TSLP: variants seen among roughly 807,000 people sequenced by gnomAD.
TSLP encodes the protein thymic stroma-derived lymphopoietin.
A neutral mutation model predicts 12.4 loss-of-function variants in TSLP; 12 were observed. The observed-to-expected ratio is 0.97, with a 90% CI of 0.62 to 1.57. The LOEUF (loss-of-function observed/expected upper bound fraction) is 1.57, where lower values mean the gene tolerates loss of function less well. Ranked by LOEUF, TSLP falls within the 40% of genes most tolerant of loss-of-function variation. The pLI, the probability that TSLP is intolerant of heterozygous loss-of-function variation, is 0.00. For synonymous variants in TSLP, 97 were observed against 69.5 expected (o/e 1.40, Z -1.97); for missense variants, 222 against 189.6 (o/e 1.17, Z -1.00).
At chr5:111,075,174 C>A (rs537990452) in intron 3 of TSLP, among the ~76,000 whole-genome samples, 28 of 152,194 alleles carry the variant, frequency 1.8e-4, no homozygotes, top group Middle Eastern at 6.8e-3. Context: ...TCAGTCCCTC[C>A]CAAGCCCAAA....
chr5:111,071,424 A>C (rs1752334837), upstream of TSLP: 2 of 1,511,292 alleles, frequency 1.3e-6, no homozygotes, highest in Non-Finnish European at 1.8e-6. Flanking sequence ...AGGATTGGTC[A>C]CGGAAATGCC....
At position 111,076,641 on chromosome 5, in the gene TSLP, T is replaced by C. The variant is rs1255932180; in HGVS notation, c.*567T>C. On this transcript the variant is annotated 3_prime_UTR_variant, in exon 4 of 4. Transcript: ENST00000344895. The stretch of plus-strand genomic sequence containing the variant: ...AACAGACAAGAGTGGTATATACAAG[T>C]AGATCCTGAGAAGTACCTTTGTTAC... 1 of 152,450 alleles carries C rather than the reference T, an allele frequency of 6.6e-6. No homozygotes were observed. Among genetic ancestry groups the C allele is most frequent in the Non-Finnish European group, 1.5e-5 (1 of 68,218 alleles). 9.4% of individuals were successfully genotyped at this position (152,450 alleles called of 1,614,324 possible). A position where few individuals can be genotyped will look rare whatever the true frequency, so the allele number is the denominator to read the frequency against.
upstream of TSLP, chr5:111,070,694 T>G (rs1160775451): frequency 6.6e-6 from 1 of 152,330 alleles, no homozygotes; most frequent in African/African-American, 2.4e-5. Context: ...AGTTTGCTAG[T>G]AAAAATCTGA....
chr5:111,071,345 G>C (rs1580374847), upstream of TSLP: 2 of 1,126,714 alleles, frequency 1.8e-6, no homozygotes, highest in East Asian at 2.7e-5. Context: ...AGAATGCATG[G>C]GACATATGCA....
In TSLP at chr5:111,076,161, G is replaced by T; in HGVS notation, c.*87G>T. The T allele has an allele frequency of 7.0e-7, 1 of 1,432,644 alleles. No individual in the cohort carries two copies. Among genetic ancestry groups the T allele is most frequent in the Non-Finnish European group, 9.6e-7 (1 of 1,036,372 alleles). The allele number at this position is 1,432,644 out of a possible 1,614,324, so 88.7% of individuals were successfully genotyped here. On this transcript the variant is annotated 3_prime_UTR_variant, in exon 4 of 4. Transcript: ENST00000344895. ...AAACATTAACTCTAACTGTGACAAA[G>T]AAGACCACAAATAGTTATCTTTTAA...
chr5:111,073,259 G>C lies in TSLP; in HGVS notation c.217-252G>C, dbSNP rs947986436. 31 of 1,407,748 alleles carry C rather than the reference G, an allele frequency of 2.2e-5. No individual in the cohort carries two copies. The East Asian group carries it at 7.7e-4, about 35-fold the overall frequency. The allele number at this position is 1,407,748 out of a possible 1,614,324, so 87.2% of individuals were successfully genotyped here. ...ATTTTGGCAGCCTCCGCCCCCTGGA[G>C]ACTTGGGAGGAGCGAGCGTGGGTGA... On this transcript the variant is annotated intron_variant, in intron 2 of 3. Transcript: ENST00000344895.
intron 2 of TSLP, 64 bp downstream of exon 2, chr5:111,072,996 G>GTA: frequency 6.3e-7 from 1 of 1,583,720 alleles, no homozygotes; most frequent in South Asian, 1.1e-5. Context: ...TGGAGAGGGA[G>GTA]TATCCTGCTA....
At chr5:111,073,796 G>A in intron 3 of TSLP, 151 bp downstream of exon 3, 2 of 835,190 alleles carry the variant, frequency 2.4e-6, no homozygotes, top group South Asian at 3.6e-5. Context: ...ATGTCAGTTA[G>A]ACCCACGTTG....
intron 3 of TSLP, 34 bp downstream of exon 3, chr5:111,073,679 T>C: frequency 6.2e-7 from 1 of 1,601,806 alleles, no homozygotes; most frequent in Non-Finnish European, 8.5e-7. Context: ...TGCTGTACCT[T>C]GGGGCTAACC....
rs1304688124 is a variant in TSLP at position 111,077,233 on chromosome 5, C to T, written c.*1159C>T. 6.6e-6 allele frequency: 1 copy of T among 152,246 alleles called. No homozygotes were observed. Among genetic ancestry groups the T allele is most frequent in the Non-Finnish European group, 1.5e-5 (1 of 68,060 alleles). The allele number at this position is 152,246 out of a possible 1,614,324, so 9.4% of individuals were successfully genotyped here. On this transcript the variant is annotated 3_prime_UTR_variant, in exon 4 of 4. Transcript: ENST00000344895. ...TTTTCCTAGGAGTAGACATGTTCCT[C>T]TAATTACTCCCTGAGGGTTAGTTGG...
chr5:111,075,349 G>A (rs1561692033), intron 3 of TSLP, among the ~76,000 whole-genome samples: 1 of 152,090 alleles, frequency 6.6e-6, no homozygotes, highest in South Asian at 2.1e-4. Flanking sequence ...TTTAAAATAA[G>A]CCCTCAGATG....
At chr5:111,072,305 G>C (rs148296322) in intron 1 of TSLP, among the ~76,000 whole-genome samples, 4 of 152,280 alleles carry the variant, frequency 2.6e-5, no homozygotes, top group African/African-American at 9.6e-5. Context: ...CGCGTTATGC[G>C]TCAAAGGATG....
At position 111,075,975 on chromosome 5, in the gene TSLP, G is replaced by A. The variant is rs1202411674; in HGVS notation, c.381G>A (p.Arg127=). The A allele has an allele frequency of 2.4e-5, 38 of 1,613,806 alleles. No homozygotes were observed. Among genetic ancestry groups the A allele is most frequent in the Non-Finnish European group, 3.1e-5 (37 of 1,179,898 alleles). The change falls in exon 4 of 4, where the codon AGG becomes AGA. Residue 127 remains arginine (R), a synonymous_variant. Transcript: ENST00000344895. Reference sequence around the variant, plus strand: ...ATGCTACTCAGGCAATGAAGAAGAGGAGAAAAAGGAAAGTCACAACCAATA... The same window carrying A: ...ATGCTACTCAGGCAATGAAGAAGAGAAGAAAAAGGAAAGTCACAACCAATA... ...QINATQAMKK[R]RKRKVTTNKC...
At chr5:111,072,295 C>A (rs554858852) in intron 1 of TSLP, among the ~76,000 whole-genome samples, 1 of 152,248 alleles carries the variant, frequency 6.6e-6, no homozygotes, top group East Asian at 1.9e-4. Flanking sequence ...TGATAGACAG[C>A]GCGTTATGCG....
In TSLP at chr5:111,076,049, A is replaced by T; in HGVS notation, c.455A>T (p.Asn152Ile). 6.2e-7 allele frequency: 1 copy of T among 1,614,136 alleles called. No homozygotes were observed. ...TTACAAGGATTGTGGCGTCGCTTCA[A>T]TCGACCTTTACTGAAACAACAGTAA... ...SQLQGLWRRF[N>I]RPLLKQQ Residue 152 changes from asparagine to isoleucine, a missense_variant, in exon 4 of 4, where the codon AAT (asparagine) becomes ATT (isoleucine). By Grantham distance (149) the Asn-to-Ile change is moderately radical. Transcript: ENST00000344895.
rs1752408650 is a variant in TSLP, at chr5:111,073,637, G to C, written c.343G>C (p.Glu115Gln). 6.2e-7 allele frequency: 1 copy of C among 1,614,072 alleles called. No individual in the cohort carries two copies. Residue 115 changes from glutamate (E) to glutamine (Q), a missense_variant, in exon 3 of 4, where the codon GAA (glutamate) becomes CAA (glutamine). Physicochemically the swap from Glu to Gln is conservative, Grantham distance 29. Coordinates refer to ENST00000344895, the MANE Select transcript of TSLP (RefSeq NM_033035.5). ...ALAIWCPGYS[E>Q]TQINATQAMK... The stretch of plus-strand genomic sequence containing the variant: ...AGCTATCTGGTGCCCAGGCTATTCG[G>C]AAACTCAGGTAAGCCCGAAGCCTCA...
chr5:111,075,672 A>G (rs1260112570), intron 3 of TSLP, among the ~76,000 whole-genome samples: 1 of 152,100 alleles, frequency 6.6e-6, no homozygotes, highest in Non-Finnish European at 1.5e-5. Flanking sequence ...AATGACACAC[A>G]CTCTTAAGTA....
In TSLP at chr5:111,071,889, G is replaced by T; in HGVS notation, c.-2G>T. The T allele has an allele frequency of 6.8e-6, 11 of 1,613,680 alleles. No homozygotes were observed. Among genetic ancestry groups the T allele is most frequent in the Non-Finnish European group, 9.3e-6 (11 of 1,179,656 alleles). On this transcript the variant is annotated 5_prime_UTR_variant, in exon 1 of 4. Coordinates refer to ENST00000344895, the MANE Select transcript of TSLP (RefSeq NM_033035.5). ...AACTGGGGTGGAATTGGGTGTCCAC[G>T]TATGTTCCCTTTTGCCTTACTATAT...
intron 1 of TSLP, 25 bp from the exon 2 acceptor site, chr5:111,072,862 CT>C (rs761420248): frequency 2.5e-6 from 4 of 1,613,660 alleles, no homozygotes; most frequent in Non-Finnish European, 3.4e-6. Flanking sequence ...TCTTTACCCT[CT>C]TTGTCCTATT....
Sources: allele counts gnomAD v4.1 joint callset (sites outside exome capture counted in the v4.1 genomes callset), GRCh38; gene constraint gnomAD v4.1.1; transcripts MANE v1.5; gene names NCBI Gene and HGNC (gene_info 2026-07-23, HGNC 2026-07-21).